PTH1R: variants seen among roughly 807,000 people sequenced by gnomAD.
PTH1R encodes parathyroid hormone 1 receptor.
In PTH1R, 32 loss-of-function variants were observed where a neutral mutation model predicts 70.7. The observed-to-expected ratio is 0.45, with a 90% CI of 0.34 to 0.61. The LOEUF (loss-of-function observed/expected upper bound fraction) is 0.61. Among genes scored for constraint, PTH1R ranks in the 20% least tolerant of loss-of-function variants. PTH1R has a pLI of 0.01. For synonymous variants in PTH1R, 329 were observed against 324.8 expected (o/e 1.01, Z -0.14); for missense variants, 626 against 792.5 (o/e 0.79, Z 2.52).
Position 46,894,026 on chromosome 3 carries a change from G to A in PTH1R, c.178+17G>A, listed in dbSNP as rs1419688395. ...AGAGGCCAGGTGGGGGTCAAAGGAA[G>A]AGGGTCTGGGGATGAGGTCAGGTGA... On this transcript the variant is annotated intron_variant, in intron 4 of 15. Coordinates refer to ENST00000449590, the MANE Select transcript of PTH1R (RefSeq NM_000316.3). The A allele has an allele frequency of 2.5e-6, 4 of 1,613,196 alleles. No homozygotes were observed. Among genetic ancestry groups the A allele is most frequent in the Non-Finnish European group, 3.4e-6 (4 of 1,179,328 alleles).
At chr3:46,899,576 G>C in intron 10 of PTH1R, 120 bp downstream of exon 10, 1 of 1,304,498 alleles carries the variant, frequency 7.7e-7, no homozygotes, top group Non-Finnish European at 1.0e-6. Flanking sequence ...GGAACAGCAG[G>C]AGAGAGGCCT....
At chr3:46,900,138 C>T (rs1030095151) in intron 10 of PTH1R, among the ~76,000 whole-genome samples, 1 of 152,158 alleles carries the variant, frequency 6.6e-6, no homozygotes, top group African/African-American at 2.4e-5. Flanking sequence ...GCCCTCTCTG[C>T]ACTCAGCACC....
chr3:46,901,784 A>G lies in PTH1R; in HGVS notation c.1135A>G (p.Ile379Val), dbSNP rs1311701509. ...CCCACAGCTCAACTTCATCCTCTTCATCAATATCGTCCGGGTGCTCGCCAC... is the reference window on the plus strand; with the variant it reads ...CCCACAGCTCAACTTCATCCTCTTCGTCAATATCGTCCGGGTGCTCGCCAC... ...ASIVLNFILFINIVRVLATKL... is the reference protein window; with the variant it reads ...ASIVLNFILFVNIVRVLATKL... Residue 379 changes from isoleucine to valine, a missense_variant, in exon 13 of 16, where the codon ATC becomes GTC. This residue lies in a region of PTH1R where 495 missense variants were observed against 638.7 expected (regional missense o/e 0.77). Coordinates refer to ENST00000449590, the MANE Select transcript of PTH1R (RefSeq NM_000316.3). This position sits in a 1 kb window ranked among gnomAD's most constrained non-coding sequence, Gnocchi z 7.3. 5 of 1,614,016 alleles carry G rather than the reference A, an allele frequency of 3.1e-6. No homozygotes were observed. Among genetic ancestry groups the G allele is most frequent in the Non-Finnish European group, 4.2e-6 (5 of 1,179,948 alleles).
chr3:46,892,588 A>G lies in PTH1R; in HGVS notation c.76-1319A>G, dbSNP rs994596485. On this transcript the variant is annotated intron_variant, in intron 3 of 15. Coordinates refer to ENST00000449590, the MANE Select transcript of PTH1R (RefSeq NM_000316.3). The surrounding 1 kb of genome is among the most constrained non-coding windows in gnomAD (Gnocchi z 5.2). Reference sequence around the variant, plus strand: ...CCTGGAAGCCCTCGCTGCTGCCGCCAAGAGACGCGGTCAATTAACTTCTCC... The same window carrying G: ...CCTGGAAGCCCTCGCTGCTGCCGCCGAGAGACGCGGTCAATTAACTTCTCC... The G allele has an allele frequency of 1.1e-5, 3 of 278,894 alleles. No homozygotes were observed. Among genetic ancestry groups the G allele is most frequent in the East Asian group, 1.8e-4 (1 of 5,676 alleles). The allele number at this position is 278,894 out of a possible 1,614,324, so 17.3% of individuals were successfully genotyped here.
rs2031442016 is a variant in PTH1R, at chr3:46,892,049, T to C, written c.76-1858T>C. 6.6e-6 allele frequency among the ~76,000 whole-genome samples: 1 copy of C among 152,008 alleles called. No homozygotes were observed. Among genetic ancestry groups the C allele is most frequent in the Admixed American group, 6.6e-5 (1 of 15,260 alleles). On this transcript the variant is annotated intron_variant, in intron 3 of 15. Transcript: ENST00000449590. This position sits in a 1 kb window ranked among gnomAD's most constrained non-coding sequence, Gnocchi z 5.2. ...TTGGAGGCCCCTGGATCCTGGCAAG[T>C]CCAACTTGTCCTCCCTTAAGCCATC...
chr3:46,903,782 A>G lies in PTH1R; in HGVS notation c.*126A>G. 1 of 1,489,998 alleles carries G rather than the reference A, an allele frequency of 6.7e-7. No homozygotes were observed. Among genetic ancestry groups the G allele is most frequent in the East Asian group, 2.3e-5 (1 of 43,624 alleles). 92.3% of individuals were successfully genotyped at this position (1,489,998 alleles called of 1,614,324 possible). ...AAAACAGGGAAAAAAAGAAAAAAAA[A>G]AGAAAAAGGAAAAGGAAGCGGTGTG... is the stretch of plus-strand genomic sequence containing the variant. On this transcript the variant is annotated 3_prime_UTR_variant, in exon 16 of 16. Coordinates refer to ENST00000449590, the MANE Select transcript of PTH1R (RefSeq NM_000316.3). This position sits in a 1 kb window ranked among gnomAD's most constrained non-coding sequence, Gnocchi z 4.4.
chr3:46,899,551 C>T (rs2031990790), intron 10 of PTH1R, 95 bp downstream of exon 10: 4 of 1,473,884 alleles, frequency 2.7e-6, no homozygotes, highest in Non-Finnish European at 3.7e-6. Flanking sequence ...CCACACAGCA[C>T]ATCCCGCCCC....
rs200169682 is a variant in PTH1R, at chr3:46,893,964, C to T, written c.133C>T (p.Gln45Ter). 11 of 1,614,166 alleles carry T rather than the reference C, an allele frequency of 6.8e-6. No homozygotes were observed. Among genetic ancestry groups the T allele is most frequent in the Non-Finnish European group, 9.3e-6 (11 of 1,180,026 alleles). The change falls in exon 4 of 16, where the codon CAG (glutamine) becomes TAG (stop). Residue 45 changes from glutamine (Q) to a stop codon, truncating the protein, a stop_gained. Transcript: ENST00000449590. LOFTEE classifies it high-confidence loss of function. This position sits in a 1 kb window ranked among gnomAD's most constrained non-coding sequence, Gnocchi z 5.2. ...ACAGATCTTCCTGCTGCACCGTGCT[C>T]AGGCCCAGTGCGAAAAACGGCTCAA... ...EEQIFLLHRA[Q>*]AQCEKRLKEV...
At position 46,883,188 on chromosome 3, in the gene PTH1R, C is replaced by CGGGAGGGGGGCGGG. The variant is rs1559527224; in HGVS notation, c.-48-320_-48-307dup. On this transcript the variant is annotated intron_variant, in intron 2 of 15. Coordinates refer to ENST00000449590, the MANE Select transcript of PTH1R (RefSeq NM_000316.3). The surrounding 1 kb of genome is among the most constrained non-coding windows in gnomAD (Gnocchi z 6.4). ...AGAAAGAAAGAAAGAAAAGGCGGCG[C>CGGGAGGGGGGCGGG]GGGAGGGGGGCGGGGGGCGGGCCGG... Among the ~76,000 whole-genome samples, 7 of 147,930 alleles carry CGGGAGGGGGGCGGG rather than the reference C, an allele frequency of 4.7e-5. No homozygotes were observed. Among genetic ancestry groups the CGGGAGGGGGGCGGG allele is most frequent in the Non-Finnish European group, 1.1e-4 (7 of 66,530 alleles).
At position 46,884,450 on chromosome 3, in the gene PTH1R, CT is replaced by C. The variant is rs2030886053; in HGVS notation, c.75+817del. Among the ~76,000 whole-genome samples the C allele has an allele frequency of 6.6e-6, 1 of 152,170 alleles. No individual in the cohort carries two copies. The highest frequency in any genetic ancestry group is 6.5e-5 in the Admixed American group (1 of 15,286). ...TAGGGAGACAGGCAAAGGCAGAAAG[CT>C]GGAGACACAGAGTGGGCAGCACCTC... On this transcript the variant is annotated intron_variant, in intron 3 of 15. Transcript: ENST00000449590. This position sits in a 1 kb window ranked among gnomAD's most constrained non-coding sequence, Gnocchi z 4.8.
At chr3:46,898,914 G>C (rs1201719507) in intron 9 of PTH1R, 57 bp downstream of exon 9, 6 of 1,224,712 alleles carry the variant, frequency 4.9e-6, no homozygotes, top group Non-Finnish European at 6.5e-6. Flanking sequence ...GTGGGGCCCC[G>C]CCCCGCCCCG....
rs2107056185 is a variant in PTH1R at position 46,901,330 on chromosome 3, C to T, written c.1050-84C>T. The T allele has an allele frequency of 6.6e-7, 1 of 1,508,432 alleles. No homozygotes were observed. The allele number at this position is 1,508,432 out of a possible 1,614,324, so 93.4% of individuals were successfully genotyped here. A position where few individuals can be genotyped will look rare whatever the true frequency, so the allele number is the denominator to read the frequency against. ...GCCCTGTGTCCTCAACAGCTAATGT[C>T]AGACCAGACCAAATCTGGGTCTCTG... On this transcript the variant is annotated intron_variant, in intron 11 of 15. Coordinates refer to ENST00000449590, the MANE Select transcript of PTH1R (RefSeq NM_000316.3). This position sits in a 1 kb window ranked among gnomAD's most constrained non-coding sequence, Gnocchi z 7.3.
Position 46,901,729 on chromosome 3 carries a change from G to C in PTH1R, c.1117-37G>C. 1.3e-6 allele frequency: 2 copies of C among 1,591,308 alleles called. No homozygotes were observed. Among genetic ancestry groups the C allele is most frequent in the Non-Finnish European group, 1.7e-6 (2 of 1,159,446 alleles). On this transcript the variant is annotated intron_variant, in intron 12 of 15. Transcript: ENST00000449590. This position sits in a 1 kb window ranked among gnomAD's most constrained non-coding sequence, Gnocchi z 7.3. ...GCCAGGCCTTGCCCCGCCCCACTAG[G>C]GTGCAGCCTCCAGACGCAGCCCCCT... is the stretch of plus-strand genomic sequence containing the variant.
At position 46,903,251 on chromosome 3, in the gene PTH1R, G is replaced by A. The variant is rs370461607; in HGVS notation, c.1396-19G>A. 2.0e-5 allele frequency: 32 copies of A among 1,611,670 alleles called. No individual in the cohort carries two copies. Among genetic ancestry groups the A allele is most frequent in the Middle Eastern group, 1.9e-4 (1 of 5,234 alleles). On this transcript the variant is annotated intron_variant, in intron 15 of 15. Transcript: ENST00000449590. The surrounding 1 kb of genome is among the most constrained non-coding windows in gnomAD (Gnocchi z 4.4). ...GGGTTGGGAGACACACCTGACTGCCGCACCCTTACTGCCCCAAGGTACAAG... is the reference window on the plus strand; with the variant it reads ...GGGTTGGGAGACACACCTGACTGCCACACCCTTACTGCCCCAAGGTACAAG...
intron 2 of PTH1R, chr3:46,881,991 G>C (rs1217370845): frequency 6.6e-6 from 1 of 152,372 alleles, no homozygotes; most frequent in Non-Finnish European, 1.5e-5. Context: ...TTCCAGAAGA[G>C]AATGAAGCGG....
In PTH1R at chr3:46,893,270, C is replaced by T. The variant is rs1575516586; in HGVS notation, c.76-637C>T. On this transcript the variant is annotated intron_variant, in intron 3 of 15. Coordinates refer to ENST00000449590, the MANE Select transcript of PTH1R (RefSeq NM_000316.3). This position sits in a 1 kb window ranked among gnomAD's most constrained non-coding sequence, Gnocchi z 5.2. ...AGTGGAATGAGAGGGACTCCCACCC[C>T]CAGCCAGCACCAGAGTGCCCAGCCC... Among the ~76,000 whole-genome samples the T allele has an allele frequency of 6.6e-6, 1 of 152,122 alleles. No homozygotes were observed. The highest frequency in any genetic ancestry group is 6.5e-5 in the Admixed American group (1 of 15,278).
Position 46,894,150 on chromosome 3 carries a change from C to G in PTH1R, c.178+141C>G, listed in dbSNP as rs1302757340. ...AAAGGGGGCCAGGCCAAAGTGAGAACCAAAGTGGGGTGCGTGGTGCAAGAG... is the reference window on the plus strand; with the variant it reads ...AAAGGGGGCCAGGCCAAAGTGAGAAGCAAAGTGGGGTGCGTGGTGCAAGAG... On this transcript the variant is annotated intron_variant, in intron 4 of 15. Coordinates refer to ENST00000449590, the MANE Select transcript of PTH1R (RefSeq NM_000316.3). 1.2e-4 allele frequency: 97 copies of G among 815,844 alleles called. 1 individual carries two copies. Among genetic ancestry groups the G allele is most frequent in the Non-Finnish European group, 1.9e-4 (94 of 507,014 alleles). 50.5% of individuals were successfully genotyped at this position (815,844 alleles called of 1,614,324 possible).
intron 5 of PTH1R, 76 bp from the exon 6 acceptor site, chr3:46,897,779 A>C: frequency 4.0e-6 from 5 of 1,252,196 alleles, no homozygotes; most frequent in Non-Finnish European, 4.7e-6. Context: ...CCACAGATGT[A>C]TTCATCCTTC....
In PTH1R at chr3:46,884,206, T is replaced by C. The variant is rs779454186; in HGVS notation, c.75+572T>C. ...GGCATGGAGAAGGGATGGAGTTCCC[T>C]GAAGGAGACTGACCTCACAGTGCAC... On this transcript the variant is annotated intron_variant, in intron 3 of 15. Coordinates refer to ENST00000449590, the MANE Select transcript of PTH1R (RefSeq NM_000316.3). The surrounding 1 kb of genome is among the most constrained non-coding windows in gnomAD (Gnocchi z 4.8). Among the ~76,000 whole-genome samples, 80 of 152,078 alleles carry C rather than the reference T, an allele frequency of 5.3e-4. No homozygotes were observed. Among genetic ancestry groups the C allele is most frequent in the Non-Finnish European group, 9.7e-4 (66 of 68,000 alleles).
Sources: allele counts gnomAD v4.1 joint callset (sites outside exome capture counted in the v4.1 genomes callset), GRCh38; gene constraint gnomAD v4.1.1; regional missense constraint gnomAD v4.1.1; non-coding constraint Gnocchi (gnomAD v3.1); transcripts MANE v1.5; gene names NCBI Gene and HGNC (gene_info 2026-07-23, HGNC 2026-07-21).